ST7L: variants seen among roughly 807,000 people sequenced by gnomAD.
ST7L encodes the protein suppressor of tumorigenicity 7 protein-like.
Under a neutral mutation model 72.5 loss-of-function variants are expected in ST7L, and 57 were observed. The ratio of observed to expected loss-of-function variants is 0.79; its 90% confidence interval spans 0.64 to 0.98. The LOEUF (loss-of-function observed/expected upper bound fraction) is 0.98. ST7L is among the 50% of genes least tolerant of loss of function. The pLI, the probability that ST7L is intolerant of heterozygous loss-of-function variation, is 0.00. For synonymous variants in ST7L, 221 were observed against 240.9 expected (o/e 0.92, Z 0.77); for missense variants, 576 against 672.2 (o/e 0.86, Z 1.58).
At chr1:112,577,697 G>T (rs114662295) in intron 10 of ST7L, among the ~76,000 whole-genome samples, 3,051 of 152,180 alleles carry the variant, frequency 0.02, 103 homozygotes, top group African/African-American at 0.069. Flanking sequence ...ATGCAACACA[G>T]TGATATCCAG....
At chr1:112,608,137 C>G (rs1472447082) in intron 3 of ST7L, among the ~76,000 whole-genome samples, 2 of 152,176 alleles carry the variant, frequency 1.3e-5, no homozygotes, top group Non-Finnish European at 2.9e-5. Context: ...CCTCCTGCCT[C>G]AGCCTCCCAA....
At chr1:112,580,552 C>T (rs1220033866) in intron 9 of ST7L, among the ~76,000 whole-genome samples, 1 of 152,154 alleles carries the variant, frequency 6.6e-6, no homozygotes, top group East Asian at 1.9e-4. Flanking sequence ...ATGCCTCTCT[C>T]AGGATAAGAA....
At chr1:112,594,195 C>T (rs1472392218) in intron 5 of ST7L, among the ~76,000 whole-genome samples, 2 of 138,056 alleles carry the variant, frequency 1.4e-5, no homozygotes, top group Admixed American at 7.6e-5. Flanking sequence ...ATGTTCCTTT[C>T]TCTTATTTTA....
intron 2 of ST7L, among the ~76,000 whole-genome samples, chr1:112,612,616 T>C (rs1669249642): frequency 6.6e-6 from 1 of 152,056 alleles, no homozygotes; most frequent in African/African-American, 2.4e-5. Context: ...GGTGCAGCAT[T>C]TTTTCTATCA....
chr1:112,584,996 A>G (rs906011029), intron 6 of ST7L, among the ~76,000 whole-genome samples: 4 of 152,094 alleles, frequency 2.6e-5, no homozygotes, highest in African/African-American at 9.7e-5. Context: ...CTTATCCACA[A>G]TATTATGCAG....
the ST7L span, chr1:112,517,864 T>C: frequency 6.3e-6 from 1 of 158,626 alleles, no homozygotes; most frequent in Non-Finnish European, 1.4e-5. Flanking sequence ...GAATTTAAGC[T>C]GCTCCTTGAA....
chr1:112,582,238 C>T (rs1664237079), intron 8 of ST7L, 132 bp from the exon 9 acceptor site: 15 of 869,732 alleles, frequency 1.7e-5, no homozygotes, highest in Non-Finnish European at 2.1e-5. Flanking sequence ...AAGAAAGGTA[C>T]GTATATTAAA....
intron 11 of ST7L, among the ~76,000 whole-genome samples, chr1:112,560,254 C>T (rs1362199125): frequency 6.6e-6 from 1 of 151,940 alleles, no homozygotes; most frequent in African/African-American, 2.4e-5. Context: ...ATTAGCTGGG[C>T]GTGGTGGCGG....
chr1:112,598,852 G>A (rs1238267050), intron 4 of ST7L, among the ~76,000 whole-genome samples: 1 of 150,154 alleles, frequency 6.7e-6, no homozygotes, highest in Non-Finnish European at 1.5e-5. Flanking sequence ...GGGGTTTGAG[G>A]AGTTTGAGAC....
intron 6 of ST7L, among the ~76,000 whole-genome samples, chr1:112,585,052 T>C (rs894559522): frequency 6.6e-6 from 1 of 152,202 alleles, no homozygotes; most frequent in Non-Finnish European, 1.5e-5. Context: ...CCTACACTCC[T>C]ATTCTCATTC....
chr1:112,520,649 G>A, downstream of ST7L: 1 of 877,926 alleles, frequency 1.1e-6, no homozygotes, highest in Non-Finnish European at 1.8e-6. Flanking sequence ...AATCCATAGG[G>A]ACCATGGTGT....
At chr1:112,558,449 A>G (rs1488196390) in intron 11 of ST7L, among the ~76,000 whole-genome samples, 1 of 152,044 alleles carries the variant, frequency 6.6e-6, no homozygotes, top group Non-Finnish European at 1.5e-5. Flanking sequence ...ATATACATGT[A>G]CTCCTCATAT....
At chr1:112,584,601 C>T (rs1321921199) in intron 6 of ST7L, among the ~76,000 whole-genome samples, 1 of 152,026 alleles carries the variant, frequency 6.6e-6, no homozygotes, top group African/African-American at 2.4e-5. Flanking sequence ...AATTCTCCTG[C>T]CTCAGCCTCC....
intron 2 of ST7L, among the ~76,000 whole-genome samples, chr1:112,614,671 G>A (rs1183879691): frequency 6.6e-6 from 1 of 152,110 alleles, no homozygotes; most frequent in African/African-American, 2.4e-5. Context: ...AACAGGCTGG[G>A]CATGGTGGTT....
chr1:112,595,333 C>T (rs1304818207), intron 5 of ST7L, among the ~76,000 whole-genome samples: 1 of 142,128 alleles, frequency 7.0e-6, no homozygotes, highest in East Asian at 2.1e-4. Flanking sequence ...CCATTGCACT[C>T]CAGCCTGGGC....
chr1:112,613,012 T>C (rs1263426901), intron 2 of ST7L, among the ~76,000 whole-genome samples: 1 of 151,562 alleles, frequency 6.6e-6, no homozygotes, highest in African/African-American at 2.4e-5. Context: ...CCAGCTACTT[T>C]GGAGGCTGAG....
Position 112,581,976 on chromosome 1 carries a change from A to C in ST7L, c.1069+16T>G. On this transcript the variant is annotated intron_variant, in intron 9 of 14. Coordinates refer to ENST00000358039, the MANE Select transcript of ST7L (RefSeq NM_017744.5). Reference sequence around the variant, plus strand: ...AAAAGAATAACCATGCTATCAACTAAGGGAATATGACTCACCATCATATTT... The same window carrying C: ...AAAAGAATAACCATGCTATCAACTACGGGAATATGACTCACCATCATATTT... 7.0e-7 allele frequency: 1 copy of C among 1,436,046 alleles called. No homozygotes were observed. The highest frequency in any genetic ancestry group is 1.7e-5 in the Admixed American group (1 of 59,362). The allele number at this position is 1,436,046 out of a possible 1,614,324, so 89.0% of individuals were successfully genotyped here. A position where few individuals can be genotyped will look rare whatever the true frequency, so the allele number is the denominator to read the frequency against.
In ST7L at chr1:112,555,836, G is replaced by A. The variant is rs535255681; in HGVS notation, c.1396+32C>T. ...TGTGAATTCAATGAATAGTTAGAGA[G>A]ATTAGTGTTACTTTTGGAAAAGAAT... On this transcript the variant is annotated intron_variant, in intron 12 of 14. Transcript: ENST00000358039. The A allele has an allele frequency of 3.0e-5, 44 of 1,460,374 alleles. No homozygotes were observed. The South Asian group carries it at 6.9e-4, about 23-fold the overall frequency. The allele number at this position is 1,460,374 out of a possible 1,614,324, so 90.5% of individuals were successfully genotyped here.
At chr1:112,522,396 G>A (rs1387211728), downstream of ST7L, 1 of 152,230 alleles carries the variant, frequency 6.6e-6, no homozygotes, top group Non-Finnish European at 1.5e-5. Context: ...AAAGCCCCTG[G>A]CTGGTCTAGC....
Sources: allele counts gnomAD v4.1 joint callset (sites outside exome capture counted in the v4.1 genomes callset), GRCh38; gene constraint gnomAD v4.1.1; transcripts MANE v1.5; gene names NCBI Gene and HGNC (gene_info 2026-07-23, HGNC 2026-07-21).